Variants in COMMD6 observed in about 807,000 individuals in gnomAD.
COMMD6 encodes COMM domain-containing protein 6.
Under a neutral mutation model 13.4 loss-of-function variants are expected in COMMD6, and 11 were observed. That is an observed-to-expected ratio of 0.82 (90% confidence interval 0.52 to 1.36). The LOEUF (loss-of-function observed/expected upper bound fraction) is 1.36. Ranked by LOEUF, COMMD6 falls within the 40% of genes most tolerant of loss-of-function variation. COMMD6 has a pLI of 0.00. For synonymous variants in COMMD6, 43 were observed against 36.5 expected, an observed-to-expected ratio of 1.18 and a Z score of -0.64; for missense variants, 124 against 102.4, an observed-to-expected ratio of 1.21 and a Z score of -0.91.
At chr13:75,531,019 G>C (rs1344436805) in intron 2 of COMMD6, among the ~76,000 whole-genome samples, 3 of 152,158 alleles carry the variant, frequency 2.0e-5, no homozygotes, top group Non-Finnish European at 4.4e-5. Context: ...AAACACAGGG[G>C]TAAATACTGT....
chr13:75,530,300 A>G, intron 2 of COMMD6, 34 bp from the exon 3 acceptor site: 1 of 1,530,066 alleles, frequency 6.5e-7, no homozygotes, highest in Non-Finnish European at 8.9e-7. Context: ...ATACATTAGT[A>G]GTAACATTAC....
At chr13:75,542,090 C>T (rs1187868743), upstream of COMMD6, among the ~76,000 whole-genome samples, 1 of 152,112 alleles carries the variant, frequency 6.6e-6, no homozygotes, top group Non-Finnish European at 1.5e-5. Context: ...AGGGTGATGC[C>T]AGTCATTAGC....
At chr13:75,540,631 C>T (rs1408159695), upstream of COMMD6, among the ~76,000 whole-genome samples, 2 of 152,154 alleles carry the variant, frequency 1.3e-5, no homozygotes, top group African/African-American at 4.8e-5. Context: ...TTCAGACCTC[C>T]ATCTTACAAG....
intron 2 of COMMD6, among the ~76,000 whole-genome samples, chr13:75,535,168 T>G (rs1042759433): frequency 6.6e-6 from 1 of 152,116 alleles, no homozygotes. Flanking sequence ...AAGAGCATTC[T>G]GGACTGAGGG....
At chr13:75,540,689 T>C (rs577032858), upstream of COMMD6, among the ~76,000 whole-genome samples, 12 of 152,342 alleles carry the variant, frequency 7.9e-5, no homozygotes, top group Middle Eastern at 3.4e-3. Context: ...ATGTTATCAA[T>C]AGAGTCAAAA....
At chr13:75,530,037 T>C (rs528799961) in intron 3 of COMMD6, 77 bp downstream of exon 3, 59 of 1,198,658 alleles carry the variant, frequency 4.9e-5, no homozygotes, top group African/African-American at 4.3e-4. Flanking sequence ...AGTTTTCCCG[T>C]AGAAAGATTT....
At chr13:75,546,469 T>C (rs1170588116) in intron 1 of COMMD6, among the ~76,000 whole-genome samples, 3 of 152,212 alleles carry the variant, frequency 2.0e-5, no homozygotes, top group African/African-American at 7.2e-5. Context: ...AGAGAACAGT[T>C]TTTTGAGTCA....
upstream of COMMD6, chr13:75,549,437 A>C (rs976425955): frequency 3.2e-5 from 8 of 250,822 alleles, no homozygotes; most frequent in African/African-American, 1.8e-4. Flanking sequence ...ACACTGCAAG[A>C]ATGGGAAGGT....
At chr13:75,537,411 T>A in intron 2 of COMMD6, 3 of 1,551,228 alleles carry the variant, frequency 1.9e-6, no homozygotes, top group Non-Finnish European at 2.6e-6. Flanking sequence ...AACTGTCGCC[T>A]AATCAAAGCC....
intron 3 of COMMD6, among the ~76,000 whole-genome samples, chr13:75,527,076 T>C (rs2030289321): frequency 6.6e-6 from 1 of 152,224 alleles, no homozygotes; most frequent in Non-Finnish European, 1.5e-5. Context: ...ACATTAACTA[T>C]GGTTTATATG....
rs2030656458 is a variant in COMMD6 at position 75,536,149 on chromosome 13, C to A, written c.54+1515G>T. Among the ~76,000 whole-genome samples, 3 of 152,202 alleles carry A rather than the reference C, an allele frequency of 2.0e-5. No homozygotes were observed. The South Asian group carries it at 6.2e-4, about 31-fold the overall frequency. ...CAATCCTCCCAAAGCCCTGAGCTTACAGTCATGAGCCACCATGGCTGGCCT... is the reference window on the plus strand; with the variant it reads ...CAATCCTCCCAAAGCCCTGAGCTTAAAGTCATGAGCCACCATGGCTGGCCT... On this transcript the variant is annotated intron_variant, in intron 2 of 3. Coordinates refer to ENST00000682242, the MANE Select transcript of COMMD6 (RefSeq NM_203495.4).
Position 75,526,414 on chromosome 13 carries a change from T to G in COMMD6, c.*175A>C, listed in dbSNP as rs370448544. 68 of 522,160 alleles carry G rather than the reference T, an allele frequency of 1.3e-4. 1 individual carries two copies. The highest frequency in any genetic ancestry group is 1.2e-3 in the African/African-American group (64 of 51,692). 32.3% of individuals were successfully genotyped at this position (522,160 alleles called of 1,614,324 possible). ...TTTATAAAGCACATTCACAAAGTTT[T>G]GCATTCATCACCACTACCCAGTTCC... On this transcript the variant is annotated 3_prime_UTR_variant, in exon 4 of 4. Coordinates refer to ENST00000682242, the MANE Select transcript of COMMD6 (RefSeq NM_203495.4).
At chr13:75,535,408 G>C (rs978493231) in intron 2 of COMMD6, among the ~76,000 whole-genome samples, 1 of 152,230 alleles carries the variant, frequency 6.6e-6, no homozygotes, top group East Asian at 1.9e-4. Flanking sequence ...GCCAGGTGAG[G>C]CACAAAGTTT....
At chr13:75,527,252 CT>C (rs2138408517) in intron 3 of COMMD6, among the ~76,000 whole-genome samples, 1 of 152,274 alleles carries the variant, frequency 6.6e-6, no homozygotes, top group South Asian at 2.1e-4. Flanking sequence ...GAAACTTAAC[CT>C]TGGCAATCAG....
intron 2 of COMMD6, 155 bp from the exon 3 acceptor site, chr13:75,530,421 T>TAA (rs1233133182): frequency 2.0e-6 from 1 of 503,292 alleles, no homozygotes; most frequent in African/African-American, 2.0e-5. Context: ...AGAGGAACAA[T>TAA]AATCAAATGA....
intron 1 of COMMD6, among the ~76,000 whole-genome samples, chr13:75,544,987 C>G (rs1159216966): frequency 6.8e-6 from 1 of 147,584 alleles, no homozygotes; most frequent in Non-Finnish European, 1.5e-5. Flanking sequence ...TTTAGAGAAA[C>G]ACAGCTAGAT....
intron 1 of COMMD6, among the ~76,000 whole-genome samples, chr13:75,547,332 G>A (rs2030919613): frequency 6.6e-6 from 1 of 152,148 alleles, no homozygotes; most frequent in African/African-American, 2.4e-5. Flanking sequence ...TTGTCATCCT[G>A]TGAATATTTG....
intron 3 of COMMD6, among the ~76,000 whole-genome samples, chr13:75,527,578 G>C (rs777862149): frequency 3.9e-5 from 6 of 151,960 alleles, no homozygotes; most frequent in Non-Finnish European, 8.8e-5. Flanking sequence ...AAATGTTTTT[G>C]TGTATATTTA....
In COMMD6 at chr13:75,526,596, G is replaced by A. The variant is rs1022311434; in HGVS notation, c.251C>T (p.Thr84Met). 3.1e-6 allele frequency: 5 copies of A among 1,603,520 alleles called. No individual in the cohort carries two copies. The highest frequency in any genetic ancestry group is 2.7e-5 in the African/African-American group (2 of 74,634). Residue 84 changes from threonine (T) to methionine (M), a missense_variant, in exon 4 of 4, where the codon ACG (threonine) becomes ATG (methionine). Physicochemically the swap from Thr to Met is moderately conservative, Grantham distance 81 (BLOSUM62 -1). Transcript: ENST00000682242. ...QFKEIAAVIE[T>M]V ...CAACCAAAGAATCCGTCTTCACACC[G>A]TTTCAATAACTGCAGCAATTTCCTT...
Sources: allele counts gnomAD v4.1 joint callset (sites outside exome capture counted in the v4.1 genomes callset), GRCh38; gene constraint gnomAD v4.1.1; transcripts MANE v1.5; gene names NCBI Gene and HGNC (gene_info 2026-07-23, HGNC 2026-07-21).